SIPA1L3: variants seen among roughly 807,000 people sequenced by gnomAD.
The protein encoded by SIPA1L3 is signal-induced proliferation-associated 1-like protein 3.
Under a neutral mutation model 150.1 loss-of-function variants are expected in SIPA1L3, and 59 were observed. The ratio of observed to expected loss-of-function variants is 0.39; its 90% CI spans 0.32 to 0.49. SIPA1L3 has a LOEUF of 0.49. Ranked by LOEUF, SIPA1L3 falls within the 20% of genes least tolerant of loss-of-function variation. The pLI is 0.86. For synonymous variants in SIPA1L3, 1,070 were observed against 1,077.6 expected, an observed-to-expected ratio of 0.99 and a Z score of 0.14; for missense variants, 2,211 against 2,489.5, an observed-to-expected ratio of 0.89 and a Z score of 2.38.
chr19:37,940,052 G>A lies in SIPA1L3; in HGVS notation c.-379+32694G>A, dbSNP rs111538021. Among the ~76,000 whole-genome samples, 1,177 of 152,312 alleles carry A rather than the reference G, an allele frequency of 7.7e-3. 5 individuals are homozygous for A. The highest frequency in any genetic ancestry group is 0.013 in the Non-Finnish European group (885 of 68,028). On this transcript the variant is annotated intron_variant, in intron 1 of 21. Coordinates refer to ENST00000222345, the MANE Select transcript of SIPA1L3 (RefSeq NM_015073.3). ...CGGGGTCTCCACCCTTGCAGAGCTC[G>A]TATTTTAAAAGAGCAGCTAGATAGT...
In SIPA1L3 at chr19:38,119,372, C is replaced by A; in HGVS notation, c.2358C>A (p.Phe786Leu). 6.2e-7 allele frequency: 1 copy of A among 1,614,218 alleles called. No individual in the cohort carries two copies. The highest frequency in any genetic ancestry group is 8.5e-7 in the Non-Finnish European group (1 of 1,180,042). ...CCCCCATCCCCAGTGGAACCACATT[C>A]CGCAAATCCGACGTCTTCAGAGACT... The part of the protein sequence containing the change: ...FGPPIPSGTT[F>L]RKSDVFRDFL... The change falls in exon 9 of 22, where the codon TTC becomes TTA. Residue 786 changes from phenylalanine to leucine, a missense_variant. Transcript: ENST00000222345.
In SIPA1L3 at chr19:38,164,589, G is replaced by A. The variant is rs751020929; in HGVS notation, c.3891G>A (p.Glu1297=). 2.5e-6 allele frequency: 4 copies of A among 1,614,136 alleles called. No individual in the cohort carries two copies. Among genetic ancestry groups the A allele is most frequent in the Non-Finnish European group, 3.4e-6 (4 of 1,180,012 alleles). ...WFDPLDPLEP[E]QDPLSKGGSS... is the part of the protein sequence containing the mutation. ...ACCCCCTGGACCCCCTGGAGCCAGA[G>A]CAAGACCCCCTCTCCAAGGGTGGCT... is the stretch of plus-strand genomic sequence containing the variant. Residue 1297 remains glutamate (E), a synonymous_variant, in exon 15 of 22, where the codon GAG becomes GAA. Transcript: ENST00000222345. This position sits in a 1 kb window ranked among gnomAD's most constrained non-coding sequence, Gnocchi z 4.1.
At chr19:38,187,675 G>A (rs1379435068) in intron 16 of SIPA1L3, among the ~76,000 whole-genome samples, 6 of 133,262 alleles carry the variant, frequency 4.5e-5, no homozygotes, top group East Asian at 2.2e-4. Flanking sequence ...CCAAGATTGC[G>A]CCACTGCACT....
At chr19:38,143,257 C>G (rs11083447) in intron 12 of SIPA1L3, among the ~76,000 whole-genome samples, 71,945 of 151,936 alleles carry the variant, frequency 0.47, 17,621 homozygotes, top group East Asian at 0.64. Context: ...CCCCAGCTGC[C>G]TTCAGCCCTC....
chr19:38,065,957 A>T (rs1317695228), intron 2 of SIPA1L3, among the ~76,000 whole-genome samples: 1 of 123,542 alleles, frequency 8.1e-6, no homozygotes, highest in African/African-American at 3.1e-5. Context: ...TTTTGAGGCA[A>T]CGTCTTGCTC....
chr19:38,037,378 G>A (rs1186520496), intron 2 of SIPA1L3, among the ~76,000 whole-genome samples: 1 of 152,186 alleles, frequency 6.6e-6, no homozygotes. Context: ...AGAGGGAACC[G>A]CATCAGCAGA....
chr19:38,111,635 C>T (rs1970747450), intron 8 of SIPA1L3, among the ~76,000 whole-genome samples: 1 of 152,206 alleles, frequency 6.6e-6, no homozygotes, highest in African/African-American at 2.4e-5. Context: ...AGGGGCATCC[C>T]AGCCTGCAGC....
intron 8 of SIPA1L3, among the ~76,000 whole-genome samples, chr19:38,114,040 C>T (rs1970827911): frequency 6.6e-6 from 1 of 152,058 alleles, no homozygotes; most frequent in Admixed American, 6.6e-5. Flanking sequence ...CAGCCGTTTG[C>T]AATTTTATGA....
At chr19:38,153,888 C>T (rs332850) in intron 13 of SIPA1L3, among the ~76,000 whole-genome samples, 50,791 of 151,600 alleles carry the variant, frequency 0.34, 10,137 homozygotes, top group Middle Eastern at 0.52. Flanking sequence ...GAGCCGAGAT[C>T]GAGTCACTGC....
chr19:38,142,830 T>C, intron 12 of SIPA1L3, 120 bp downstream of exon 12: 2 of 1,295,144 alleles, frequency 1.5e-6, no homozygotes, highest in South Asian at 1.4e-5. Flanking sequence ...TCTGGACCCC[T>C]GAAGGTCCTC....
At chr19:38,131,395 G>T (rs940778619) in intron 10 of SIPA1L3, among the ~76,000 whole-genome samples, 1 of 152,158 alleles carries the variant, frequency 6.6e-6, no homozygotes, top group African/African-American at 2.4e-5. Context: ...CTCCAGACAG[G>T]AGCTGGCCAG....
chr19:38,151,934 C>T (rs1971833261), intron 12 of SIPA1L3, among the ~76,000 whole-genome samples: 1 of 146,034 alleles, frequency 6.8e-6, no homozygotes, highest in South Asian at 2.2e-4. Context: ...TGCACTCCAG[C>T]CTGGTTGACA....
Position 38,082,022 on chromosome 19 carries a change from G to T in SIPA1L3, c.457G>T (p.Asp153Tyr). 8 of 1,614,170 alleles carry T rather than the reference G, an allele frequency of 5.0e-6. No individual in the cohort carries two copies. Among genetic ancestry groups the T allele is most frequent in the Non-Finnish European group, 6.8e-6 (8 of 1,180,004 alleles). ...RRRSKDVEFQ[D>Y]GWPRSPGRAF... is the part of the protein sequence containing the mutation. ...AAGGTCCAAAGACGTGGAGTTCCAG[G>T]ACGGGTGGCCCCGGTCCCCCGGCAG... Residue 153 changes from aspartate (D) to tyrosine (Y), a missense_variant, in exon 3 of 22, where the codon GAC becomes TAC. Asp to Tyr is a radical substitution (Grantham distance 160, BLOSUM62 -3). This residue lies in a region of SIPA1L3 where 587 missense variants were observed against 534.5 expected (regional missense o/e 1.10). Transcript: ENST00000222345.
intron 10 of SIPA1L3, among the ~76,000 whole-genome samples, chr19:38,132,946 C>A (rs1004171990): frequency 1.3e-5 from 2 of 152,196 alleles, no homozygotes; most frequent in African/African-American, 2.4e-5. Flanking sequence ...CCGCGCCTGG[C>A]CTTTTCCTTG....
rs1568538303 is a variant in SIPA1L3 at position 38,081,746 on chromosome 19, GCCACCGCCACCA to G, written c.184_195del (p.Thr62_Thr65del). On this transcript the variant is annotated inframe_deletion, in exon 3 of 22. Coordinates refer to ENST00000222345, the MANE Select transcript of SIPA1L3 (RefSeq NM_015073.3). ...GAGCCCGGCCACCGCCACCGCCACCGCCACCGCCACCACCCGCCCCAGCCCCACCACTCCCGC... is the reference window on the plus strand; with the variant it reads ...GAGCCCGGCCACCGCCACCGCCACCGCCCGCCCCAGCCCCACCACTCCCGC... 2 of 1,599,356 alleles carry G rather than the reference GCCACCGCCACCA, an allele frequency of 1.3e-6. No individual in the cohort carries two copies. Among genetic ancestry groups the G allele is most frequent in the Admixed American group, 3.4e-5 (2 of 58,382 alleles).
intron 1 of SIPA1L3, among the ~76,000 whole-genome samples, chr19:38,003,625 C>T (rs531200928): frequency 4.6e-5 from 7 of 152,304 alleles, no homozygotes; most frequent in African/African-American, 1.7e-4. Context: ...TTTCCTGCTG[C>T]CTCGTAGCTG....
intron 1 of SIPA1L3, among the ~76,000 whole-genome samples, chr19:37,945,830 A>G (rs2046705793): frequency 6.6e-6 from 1 of 152,086 alleles, no homozygotes; most frequent in African/African-American, 2.4e-5. Flanking sequence ...AAAGTCCTAG[A>G]GTTGCAATTC....
chr19:38,186,260 A>G (rs1972675410), intron 16 of SIPA1L3: 1 of 152,170 alleles, frequency 6.6e-6, no homozygotes, highest in Non-Finnish European at 1.5e-5. Context: ...GGAGACACAA[A>G]TGAAATCGCT....
intron 1 of SIPA1L3, among the ~76,000 whole-genome samples, chr19:38,014,876 AG>A (rs1968196319): frequency 2.0e-5 from 3 of 151,942 alleles, no homozygotes; most frequent in Admixed American, 2.0e-4. Flanking sequence ...TCACTGTGTT[AG>A]CCAGGATGGT....
Sources: allele counts gnomAD v4.1 joint callset (sites outside exome capture counted in the v4.1 genomes callset), GRCh38; gene constraint gnomAD v4.1.1; regional missense constraint gnomAD v4.1.1; non-coding constraint Gnocchi (gnomAD v3.1); transcripts MANE v1.5; gene names NCBI Gene and HGNC (gene_info 2026-07-23, HGNC 2026-07-21).